The following NOC4L variants were observed in gnomAD, a reference collection of about 807,000 sequenced individuals.
NOC4L encodes nucleolar complex protein 4 homolog.
In NOC4L, 40 loss-of-function variants were observed where a neutral mutation model predicts 62.8. The observed-to-expected ratio is 0.64, with a 90% confidence interval of 0.49 to 0.83. The LOEUF (loss-of-function observed/expected upper bound fraction) is 0.83. Among genes scored for constraint, NOC4L ranks in the 40% least tolerant of loss-of-function variants. The probability of loss-of-function intolerance (pLI) is 0.00; values close to 1 mark genes in which losing one functional copy is unlikely to be tolerated. For missense variants in NOC4L, 927 were observed against 701.9 expected, an observed-to-expected ratio of 1.32 and a Z score of -3.62; for synonymous variants, 433 against 299.8, an observed-to-expected ratio of 1.44 and a Z score of -4.59.
chr12:132,147,888 C>T lies in NOC4L; in HGVS notation c.612C>T (p.Pro204=), dbSNP rs185086751. 7.1e-5 allele frequency: 115 copies of T among 1,608,848 alleles called. No individual in the cohort carries two copies. The African/African-American group carries it at 9.5e-4, about 13-fold the overall frequency. ...CAGGCCAGGCTCCGCAGGTGCCCCCCGCCTTTTGGAACAATGCCTTCACGC... is the reference window on the plus strand; with the variant it reads ...CAGGCCAGGCTCCGCAGGTGCCCCCTGCCTTTTGGAACAATGCCTTCACGC... ...RVTGQHPEVP[P]AFWNNAFTLL... The change falls in exon 6 of 15, where the codon CCC becomes CCT. Residue 204 remains proline (P), a synonymous_variant. Transcript: ENST00000330579.
chr12:132,146,556 G>C (rs1212126081), intron 3 of NOC4L, among the ~76,000 whole-genome samples: 1 of 152,158 alleles, frequency 6.6e-6, no homozygotes, highest in Admixed American at 6.6e-5. Context: ...CATAGTAGCT[G>C]CGCTATCTTA....
At chr12:132,147,589 G>A (rs374084936) in intron 4 of NOC4L, 44 bp from the exon 5 acceptor site, 36 of 1,600,836 alleles carry the variant, frequency 2.2e-5, no homozygotes, top group Middle Eastern at 1.7e-4. Context: ...CCTTGCTGGC[G>A]TATGCTGGGC....
At chr12:132,145,093 G>A in intron 2 of NOC4L, 119 bp downstream of exon 2, 5 of 1,345,462 alleles carry the variant, frequency 3.7e-6, no homozygotes, top group African/African-American at 2.9e-5. Flanking sequence ...GTGGGAGGAC[G>A]CACCAAGCCC....
Position 132,148,818 on chromosome 12 carries a change from T to C in NOC4L, c.824T>C (p.Ile275Thr). 1 of 1,603,146 alleles carries C rather than the reference T, an allele frequency of 6.2e-7. No individual in the cohort carries two copies. The highest frequency in any genetic ancestry group is 8.5e-7 in the Non-Finnish European group (1 of 1,177,796). Residue 275 changes from isoleucine (I) to threonine (T), a missense_variant, in exon 9 of 15, where the codon ATT becomes ACT. Physicochemically the swap from Ile to Thr is moderately conservative, Grantham distance 89 (BLOSUM62 -1). Transcript: ENST00000330579. ...PLSLYKKVLL[I>T]VHDAILPQLA... ...AGCCTCTACAAGAAGGTGCTGCTGA[T>C]TGTGCATGACGCCATCCTGCCGCAG...
rs1259595756 is a variant in NOC4L, at chr12:132,151,808, G to T, written c.1305G>T (p.Leu435=). 1.9e-6 allele frequency: 3 copies of T among 1,611,676 alleles called. No individual in the cohort carries two copies. Among genetic ancestry groups the T allele is most frequent in the Non-Finnish European group, 2.5e-6 (3 of 1,179,540 alleles). ...AGAGCCGGGCCTTGGAGAGCTCCCT[G>T]TGGGAGCTTCAGGTGAGGGCGCTGC... ...PAQSRALESS[L]WELQALQRHY... Residue 435 remains leucine, a synonymous_variant, in exon 13 of 15, where the codon CTG becomes CTT. Transcript: ENST00000330579.
chr12:132,148,845 T>TGGCGCAGCC lies in NOC4L; in HGVS notation c.852_860dup (p.Ala285_Pro287dup). ...GTGCATGACGCCATCCTGCCGCAGC[T>TGGCGCAGCC]GGCGCAGCCCACGCTCATGATCGAC... On this transcript the variant is annotated inframe_insertion, in exon 9 of 15. Transcript: ENST00000330579. 1 of 1,602,834 alleles carries TGGCGCAGCC rather than the reference T, an allele frequency of 6.2e-7. No homozygotes were observed. Among genetic ancestry groups the TGGCGCAGCC allele is most frequent in the East Asian group, 2.2e-5 (1 of 44,770 alleles).
At chr12:132,145,516 T>G in intron 2 of NOC4L, 43 bp from the exon 3 acceptor site, 1 of 1,331,838 alleles carries the variant, frequency 7.5e-7, no homozygotes, top group East Asian at 2.3e-5. Flanking sequence ...CAGGGTGGCG[T>G]ATGTGGGCCT....
intron 2 of NOC4L, 114 bp from the exon 3 acceptor site, chr12:132,145,445 G>T (rs1457388146): frequency 9.0e-6 from 6 of 669,574 alleles, no homozygotes; most frequent in Non-Finnish European, 1.3e-5. Context: ...GTTTCCACCT[G>T]CGGAGGCTGA....
At chr12:132,152,251 C>G in intron 14 of NOC4L, 31 bp from the exon 15 acceptor site, 1 of 1,593,276 alleles carries the variant, frequency 6.3e-7, no homozygotes, top group Non-Finnish European at 8.5e-7. Context: ...CTGAGCCAAG[C>G]CTGAGAGCCG....
intron 3 of NOC4L, among the ~76,000 whole-genome samples, 176 bp downstream of exon 3, chr12:132,145,841 G>T (rs566321338): frequency 3.0e-4 from 45 of 152,254 alleles, no homozygotes; most frequent in South Asian, 6.2e-4. Flanking sequence ...GAGTCCTGTA[G>T]TGAATATTGA....
At position 132,144,477 on chromosome 12, in the gene NOC4L, G is replaced by T; in HGVS notation, c.-12G>T. 34 of 1,519,684 alleles carry T rather than the reference G, an allele frequency of 2.2e-5. No homozygotes were observed. The highest frequency in any genetic ancestry group is 3.0e-5 in the Non-Finnish European group (34 of 1,147,002). The allele number at this position is 1,519,684 out of a possible 1,614,324, so 94.1% of individuals were successfully genotyped here. On this transcript the variant is annotated 5_prime_UTR_variant, in exon 1 of 15. Coordinates refer to ENST00000330579, the MANE Select transcript of NOC4L (RefSeq NM_024078.3). The stretch of plus-strand genomic sequence containing the variant: ...CGGCTGAGAATCCGCGTTGTTCCGT[G>T]TTGGGGGCGGCATGGAGCGGGAGCC...
Position 132,151,034 on chromosome 12 carries a change from C to T in NOC4L, c.955C>T (p.His319Tyr), listed in dbSNP as rs779770470. 3.0e-5 allele frequency: 49 copies of T among 1,610,794 alleles called. No individual in the cohort carries two copies. Among genetic ancestry groups the T allele is most frequent in the East Asian group, 6.7e-5 (3 of 44,880 alleles). Residue 319 changes from histidine (H) to tyrosine (Y), a missense_variant, in exon 10 of 15, where the codon CAC becomes TAC. By Grantham distance (83) the His-to-Tyr change is moderately conservative (BLOSUM62 2). Coordinates refer to ENST00000330579, the MANE Select transcript of NOC4L (RefSeq NM_024078.3). ...CGGGCTGTTCATCTTGATTCACAAA[C>T]ACAACCTGTGAGTGTCACCAGGGGT... ...LNGLFILIHKHNLEYPDFYRK... is the reference protein window; with the variant it reads ...LNGLFILIHKYNLEYPDFYRK...
intron 13 of NOC4L, 59 bp from the exon 14 acceptor site, chr12:132,152,025 G>A: frequency 6.7e-7 from 1 of 1,498,540 alleles, no homozygotes; most frequent in Non-Finnish European, 9.0e-7. Flanking sequence ...GGAGGCCATG[G>A]CTGGGGGCAC....
In NOC4L at chr12:132,147,662, G is replaced by A. The variant is rs751943168; in HGVS notation, c.483G>A (p.Glu161=). Residue 161 remains glutamate (E), a synonymous_variant, in exon 5 of 15, where the codon GAG becomes GAA. Transcript: ENST00000330579. ...TGGTGGGAGGCCTGCTGTCTCCTGA[G>A]GAGGACCAGAGCCTGCTCCTGTCCC... ...KLVVGGLLSP[E]EDQSLLLSQF... 3 of 1,612,922 alleles carry A rather than the reference G, an allele frequency of 1.9e-6. No homozygotes were observed. The highest frequency in any genetic ancestry group is 2.2e-5 in the East Asian group (1 of 44,876).
rs1390012667 is a variant in NOC4L, at chr12:132,151,723, A to G, written c.1235-15A>G. The G allele has an allele frequency of 6.2e-7, 1 of 1,612,176 alleles. No individual in the cohort carries two copies. Among genetic ancestry groups the G allele is most frequent in the African/African-American group, 1.3e-5 (1 of 74,884 alleles). On this transcript the variant is annotated splice_polypyrimidine_tract_variant and intron_variant, in intron 12 of 14. Transcript: ENST00000330579. Reference sequence around the variant, plus strand: ...TGCTGTGGACGGCAGACAAGGGCCCACGTCTCATTCCTAGAGTTGGACGCC... The same window carrying G: ...TGCTGTGGACGGCAGACAAGGGCCCGCGTCTCATTCCTAGAGTTGGACGCC...
chr12:132,144,822 G>A lies in NOC4L; in HGVS notation c.118-32G>A, dbSNP rs1318379404. 6 of 1,584,132 alleles carry A rather than the reference G, an allele frequency of 3.8e-6. No homozygotes were observed. The Admixed American group carries it at 7.4e-5, about 19-fold the overall frequency. ...GGCAGGGGCGAAGGTGACAGTTGGC[G>A]GCCGGGCACCCTGCCGCCGCCTCTC... On this transcript the variant is annotated intron_variant, in intron 1 of 14. Coordinates refer to ENST00000330579, the MANE Select transcript of NOC4L (RefSeq NM_024078.3).
At position 132,145,531 on chromosome 12, in the gene NOC4L, TGGGCTGACC is replaced by T; in HGVS notation, c.239-27_239-19del. Reference sequence around the variant, plus strand: ...CAGGGTGGCGTATGTGGGCCTCACGTGGGCTGACCACCCTAACCTGTCTGCAGGGTCCCA... The same window carrying T: ...CAGGGTGGCGTATGTGGGCCTCACGTACCCTAACCTGTCTGCAGGGTCCCA... On this transcript the variant is annotated intron_variant, in intron 2 of 14. Coordinates refer to ENST00000330579, the MANE Select transcript of NOC4L (RefSeq NM_024078.3). The T allele has an allele frequency of 6.5e-7, 1 of 1,530,688 alleles. No homozygotes were observed. Among genetic ancestry groups the T allele is most frequent in the African/African-American group, 1.4e-5 (1 of 73,266 alleles). The allele number at this position is 1,530,688 out of a possible 1,614,324, so 94.8% of individuals were successfully genotyped here. A position where few individuals can be genotyped will look rare whatever the true frequency, so the allele number is the denominator to read the frequency against.
At chr12:132,148,584 G>T in intron 7 of NOC4L, 25 bp from the exon 8 acceptor site, 1 of 1,548,836 alleles carries the variant, frequency 6.5e-7, no homozygotes, top group Non-Finnish European at 8.7e-7. Flanking sequence ...GGAGGGCGGC[G>T]AGTGCAGTCT....
intron 13 of NOC4L, 98 bp downstream of exon 13, chr12:132,151,918 T>C (rs1323881484): frequency 2.2e-6 from 3 of 1,341,862 alleles, no homozygotes; most frequent in Non-Finnish European, 3.1e-6. Context: ...AGCCTCATGT[T>C]GCGTCCCCAG....
Sources: gnomAD v4.1 joint callset for allele counts (sites outside exome capture counted in the v4.1 genomes callset) on GRCh38, gnomAD v4.1.1 for gene constraint, MANE v1.5 for transcripts, NCBI Gene and HGNC (gene_info 2026-07-23, HGNC 2026-07-21) for gene names.